The following ANGPT1 variants were observed in gnomAD, a reference collection of about 807,000 sequenced individuals.
The protein encoded by ANGPT1 is angiopoietin-1.
In ANGPT1, 17 loss-of-function variants were observed where a neutral mutation model predicts 62.2. The ratio of observed to expected loss-of-function variants is 0.27; its 90% CI spans 0.19 to 0.41. The LOEUF is 0.41. ANGPT1 is among the 10% of genes least tolerant of loss of function. The pLI is 1.00. For missense variants in ANGPT1, 478 were observed against 594.9 expected (o/e 0.80, Z 2.04); for synonymous variants, 199 against 198.9 (o/e 1.00, Z 0.00).
At chr8:107,484,762 T>C (rs1367053822) in intron 1 of ANGPT1, among the ~76,000 whole-genome samples, 3 of 152,214 alleles carry the variant, frequency 2.0e-5, no homozygotes, top group South Asian at 2.1e-4. Context: ...TTGCTCTCTT[T>C]GCAGATAAAT....
chr8:107,400,566 T>C lies in ANGPT1; in HGVS notation c.298-53469A>G, dbSNP rs1047518450. ...CCTGCACTTCACATTTCTTTCTTTT[T>C]TTTTTTTTTTTGAGACGGAGTCTCA... On this transcript the variant is annotated intron_variant, in intron 1 of 8. Transcript: ENST00000517746. Among the ~76,000 whole-genome samples the C allele has an allele frequency of 1.3e-4, 19 of 151,654 alleles. No individual in the cohort carries two copies. The South Asian group carries it at 1.7e-3, about 13-fold the overall frequency.
At chr8:107,262,104 A>G (rs149952510) in intron 8 of ANGPT1, among the ~76,000 whole-genome samples, 3,190 of 152,192 alleles carry the variant, frequency 0.021, 100 homozygotes, top group African/African-American at 0.073. Context: ...CTGAGGCAAG[A>G]TAATCACTTG....
Position 107,249,538 on chromosome 8 carries a change from A to C in ANGPT1, c.*2317T>G, listed in dbSNP as rs1813201422. On this transcript the variant is annotated 3_prime_UTR_variant, in exon 9 of 9. Transcript: ENST00000517746. Reference sequence around the variant, plus strand: ...ATCAAATAATGTTGTGATGATATGAAGAACTTTGCATAGAAACCACATGAA... The same window carrying C: ...ATCAAATAATGTTGTGATGATATGACGAACTTTGCATAGAAACCACATGAA... The C allele has an allele frequency of 6.6e-6, 1 of 152,242 alleles. No homozygotes were observed. The highest frequency in any genetic ancestry group is 2.4e-5 in the African/African-American group (1 of 41,472). 9.4% of individuals were successfully genotyped at this position (152,242 alleles called of 1,614,324 possible).
At chr8:107,300,109 C>CTATATATAGTA (rs1465056919) in intron 5 of ANGPT1, among the ~76,000 whole-genome samples, 7 of 140,084 alleles carry the variant, frequency 5.0e-5, no homozygotes, top group Non-Finnish European at 1.1e-4. Context: ...CTCTATATAT[C>CTATATATAGTA]TATATATAGT....
chr8:107,407,816 A>ACT (rs1262339587), intron 1 of ANGPT1, among the ~76,000 whole-genome samples: 2 of 152,080 alleles, frequency 1.3e-5, no homozygotes, highest in Non-Finnish European at 2.9e-5. Context: ...GGGAAGGGAG[A>ACT]AGATCATCAG....
At chr8:107,444,577 T>C (rs4114169) in intron 1 of ANGPT1, among the ~76,000 whole-genome samples, 65,220 of 151,984 alleles carry the variant, frequency 0.43, 14,291 homozygotes, top group Middle Eastern at 0.53. Context: ...TTTCCAATAA[T>C]AATGTCTAGA....
chr8:107,371,954 C>T (rs190285248), intron 1 of ANGPT1, among the ~76,000 whole-genome samples: 2 of 151,870 alleles, frequency 1.3e-5, no homozygotes, highest in Non-Finnish European at 2.9e-5. Flanking sequence ...TCTCAGGGAG[C>T]CTTATAAGCT....
At chr8:107,324,025 C>T (rs1306814556) in intron 3 of ANGPT1, among the ~76,000 whole-genome samples, 4 of 151,474 alleles carry the variant, frequency 2.6e-5, no homozygotes, top group African/African-American at 7.3e-5. Flanking sequence ...GTGATCTGCC[C>T]GCCTCGGCCT....
chr8:107,439,104 TTTAGATACATA>T (rs1811406688), intron 1 of ANGPT1, among the ~76,000 whole-genome samples: 1 of 152,132 alleles, frequency 6.6e-6, no homozygotes, highest in South Asian at 2.1e-4. Context: ...AAAAAGAAAG[TTTAGATACATA>T]TTAGTCACTC....
At chr8:107,280,896 A>C (rs1477719895) in intron 7 of ANGPT1, among the ~76,000 whole-genome samples, 1 of 152,220 alleles carries the variant, frequency 6.6e-6, no homozygotes, top group African/African-American at 2.4e-5. Context: ...AGAGGCAGGA[A>C]GGTTCTATAA....
At chr8:107,396,517 C>CTTTTTTTTTT (rs10686360) in intron 1 of ANGPT1, among the ~76,000 whole-genome samples, 15 of 84,842 alleles carry the variant, frequency 1.8e-4, no homozygotes, top group Non-Finnish European at 2.8e-4. Context: ...TCTTTTCTCT[C>CTTTTTTTTTT]TTTTTTTTTT....
At chr8:107,262,151 C>T (rs990560077) in intron 8 of ANGPT1, among the ~76,000 whole-genome samples, 2 of 151,502 alleles carry the variant, frequency 1.3e-5, no homozygotes, top group Non-Finnish European at 1.5e-5. Flanking sequence ...GCCTAGATTG[C>T]GCCATTGCAC....
intron 8 of ANGPT1, among the ~76,000 whole-genome samples, chr8:107,260,555 T>C (rs1813467872): frequency 1.3e-5 from 2 of 152,088 alleles, no homozygotes; most frequent in Admixed American, 6.6e-5. Flanking sequence ...TAAGTAGTAG[T>C]GGTGGGGAGT....
chr8:107,411,479 C>T (rs796297710), intron 1 of ANGPT1, among the ~76,000 whole-genome samples: 3 of 151,950 alleles, frequency 2.0e-5, no homozygotes, highest in African/African-American at 7.2e-5. Context: ...AAAATAAATT[C>T]AGAGCAAAAA....
At chr8:107,294,074 T>C (rs747411450) in intron 5 of ANGPT1, 37 bp from the exon 6 acceptor site, 30 of 1,533,326 alleles carry the variant, frequency 2.0e-5, no homozygotes, top group Non-Finnish European at 2.7e-5. Flanking sequence ...AAAAAATACT[T>C]CTACTTTAAA....
intron 1 of ANGPT1, among the ~76,000 whole-genome samples, chr8:107,371,239 T>A (rs975120263): frequency 6.6e-6 from 1 of 152,220 alleles, no homozygotes; most frequent in Non-Finnish European, 1.5e-5. Context: ...TTTTAGGCTT[T>A]CAAATCAAAC....
chr8:107,415,744 C>T (rs572032536), intron 1 of ANGPT1, among the ~76,000 whole-genome samples: 52 of 152,268 alleles, frequency 3.4e-4, no homozygotes, highest in South Asian at 2.5e-3. Flanking sequence ...TGTCTGCTCG[C>T]ATGTTATGTG....
chr8:107,299,763 ATAT>A (rs1814525777), intron 5 of ANGPT1, among the ~76,000 whole-genome samples: 3 of 121,870 alleles, frequency 2.5e-5, no homozygotes, highest in African/African-American at 9.1e-5. Context: ...ATATGTAGTT[ATAT>A]CTAGATATAC....
chr8:107,436,510 G>A (rs1177439733), intron 1 of ANGPT1, among the ~76,000 whole-genome samples: 4 of 152,140 alleles, frequency 2.6e-5, no homozygotes, highest in African/African-American at 4.8e-5. Context: ...TATATGGAAC[G>A]TTGTAATTTA....
Sources: allele counts gnomAD v4.1 joint callset (sites outside exome capture counted in the v4.1 genomes callset), GRCh38; gene constraint gnomAD v4.1.1; transcripts MANE v1.5; gene names NCBI Gene and HGNC (gene_info 2026-07-23, HGNC 2026-07-21).